NTRK1: variants seen among roughly 807,000 people sequenced by gnomAD.
The protein encoded by NTRK1 is high affinity nerve growth factor receptor.
A neutral mutation model predicts 86.8 loss-of-function variants in NTRK1; 62 were observed. That is an observed-to-expected ratio of 0.71 (90% CI 0.58 to 0.88). NTRK1 has a LOEUF of 0.88. NTRK1 is among the 40% of genes least tolerant of loss of function. The pLI, the probability that NTRK1 is intolerant of heterozygous loss-of-function variation, is 0.00. For synonymous variants in NTRK1, 469 were observed against 456.6 expected (o/e 1.03, Z -0.35); for missense variants, 967 against 1,078.4 (o/e 0.90, Z 1.45).
intron 7 of NTRK1, among the ~76,000 whole-genome samples, chr1:156,871,981 G>T (rs1449531706): frequency 6.6e-6 from 1 of 152,132 alleles, no homozygotes; most frequent in Non-Finnish European, 1.5e-5. Flanking sequence ...CCCCCTGCCC[G>T]AGCCTTGCTA....
At chr1:156,849,054 G>C in intron 2 of NTRK1, 1 of 1,611,432 alleles carries the variant, frequency 6.2e-7, no homozygotes, top group Non-Finnish European at 8.5e-7. Context: ...TGGCCTGGGT[G>C]GGGCGAGGGG....
intron 6 of NTRK1, among the ~76,000 whole-genome samples, chr1:156,869,366 CTG>C (rs1647408631): frequency 6.6e-6 from 1 of 152,108 alleles, no homozygotes; most frequent in Admixed American, 6.6e-5. Context: ...GTGTGAGCCA[CTG>C]TGCCCGGCAG....
At chr1:156,859,938 G>A (rs1008519890), upstream of NTRK1, among the ~76,000 whole-genome samples, 8 of 152,228 alleles carry the variant, frequency 5.3e-5, no homozygotes, top group African/African-American at 1.9e-4. The surrounding 1 kb of genome is among the most constrained non-coding windows in gnomAD (Gnocchi z 6.2). Context: ...TGCTGCCCTG[G>A]GTGCTGGGGA....
intron 2 of NTRK1, chr1:156,845,899 A>G (rs998024845): frequency 1.3e-6 from 2 of 1,598,446 alleles, no homozygotes; most frequent in Admixed American, 1.7e-5. Context: ...CTGCGCCTCC[A>G]TCTCCCCTTC....
At chr1:156,872,053 C>T (rs1558102977) in intron 7 of NTRK1, among the ~76,000 whole-genome samples, 1 of 152,160 alleles carries the variant, frequency 6.6e-6, no homozygotes, top group Non-Finnish European at 1.5e-5. Flanking sequence ...TTTTTCATGC[C>T]CGTCCCTCAT....
chr1:156,845,459 C>T lies in NTRK1; in HGVS notation c.50+3266C>T. 3 of 1,524,396 alleles carry T rather than the reference C, an allele frequency of 2.0e-6. 1 individual carries two copies. The highest frequency in any genetic ancestry group is 2.6e-6 in the Non-Finnish European group (3 of 1,138,630). 94.4% of individuals were successfully genotyped at this position (1,524,396 alleles called of 1,614,324 possible). On this transcript the variant is annotated intron_variant, in intron 2 of 16. Transcript: ENST00000392302. ...CCTATCAGGCCTGTCCGGATGCACC[C>T]CTGTGCCCTCTGCAGCGCGTACCGC...
At chr1:156,815,878 C>T (rs372317622) in intron 1 of NTRK1, 29 of 1,613,880 alleles carry the variant, frequency 1.8e-5, no homozygotes, top group Admixed American at 8.3e-5. Context: ...TGCCCCAGCC[C>T]GTTGGCAGAC....
intron 1 of NTRK1, chr1:156,816,172 G>GAT: frequency 5.3e-6 from 8 of 1,512,904 alleles, no homozygotes; most frequent in Non-Finnish European, 7.1e-6. Context: ...CTCCTCCCAG[G>GAT]CTCAGGGGAT....
At chr1:156,827,678 C>T (rs368586204) in intron 1 of NTRK1, among the ~76,000 whole-genome samples, 113 of 150,996 alleles carry the variant, frequency 7.5e-4, no homozygotes, top group Admixed American at 2.6e-4. Context: ...ATTAAAGGCA[C>T]GAGCCACTCT....
upstream of NTRK1, among the ~76,000 whole-genome samples, chr1:156,857,577 C>T (rs998872034): frequency 1.3e-5 from 2 of 152,168 alleles, no homozygotes; most frequent in African/African-American, 4.8e-5. Context: ...GGAGGGGGTT[C>T]GGTGGTCGGG....
chr1:156,824,148 G>A (rs1277194276), intron 1 of NTRK1, among the ~76,000 whole-genome samples: 2 of 152,232 alleles, frequency 1.3e-5, no homozygotes, highest in East Asian at 1.9e-4. Flanking sequence ...AGCTGGCCAG[G>A]CCAGGTGCCA....
chr1:156,844,607 A>C lies in NTRK1; in HGVS notation c.50+2414A>C, dbSNP rs765436024. 13 of 1,614,060 alleles carry C rather than the reference A, an allele frequency of 8.1e-6. No homozygotes were observed. In the African/African-American group the frequency reaches 1.7e-4, roughly 22 times the overall value. ...ACTTCGCATATCGAAGACGGGACAC[A>C]CACAGCACTGTGGCCTCCTGAGAGT... On this transcript the variant is annotated intron_variant, in intron 2 of 16. Coordinates refer to the NTRK1 transcript ENST00000392302.
At chr1:156,853,087 G>T (rs1035028374) in intron 2 of NTRK1, among the ~76,000 whole-genome samples, 1 of 151,936 alleles carries the variant, frequency 6.6e-6, no homozygotes, top group Non-Finnish European at 1.5e-5. Context: ...TTTCTCTACT[G>T]CTTTTTTCCT....
At chr1:156,845,504 C>G (rs1654963320) in intron 2 of NTRK1, 8 of 1,491,744 alleles carry the variant, frequency 5.4e-6, no homozygotes, top group Non-Finnish European at 7.1e-6. Flanking sequence ...CACCCACAAC[C>G]CGGGACCCGC....
At chr1:156,849,379 C>T (rs371482516) in intron 2 of NTRK1, 1 of 1,613,602 alleles carries the variant, frequency 6.2e-7, no homozygotes, top group African/African-American at 1.3e-5. Flanking sequence ...AGATCTTGCC[C>T]ACGGGAATGG....
At position 156,881,536 on chromosome 1, in the gene NTRK1, G is replaced by T; in HGVS notation, c.2285G>T (p.Gly762Val). ...CPPEVYAIMR[G>V]CWQREPQQRH... ...CCAGAGGTCTACGCCATCATGCGGGGCTGCTGGCAGCGGGAGCCCCAGCAA... is the reference window on the plus strand; with the variant it reads ...CCAGAGGTCTACGCCATCATGCGGGTCTGCTGGCAGCGGGAGCCCCAGCAA... Residue 762 changes from glycine (G) to valine (V), a missense_variant, in exon 17 of 17, where the codon GGC (glycine) becomes GTC (valine). Physicochemically the swap from Gly to Val is moderately radical, Grantham distance 109. This residue lies in a region of NTRK1 where 637 missense variants were observed against 776.5 expected (regional missense o/e 0.82). Transcript: ENST00000524377. The T allele has an allele frequency of 6.9e-6, 11 of 1,604,594 alleles. No homozygotes were observed. The highest frequency in any genetic ancestry group is 7.7e-6 in the Non-Finnish European group (9 of 1,175,818).
rs199566786 is a variant in NTRK1, at chr1:156,852,080, C to T, written c.50+9887C>T. On this transcript the variant is annotated intron_variant, in intron 2 of 16. Coordinates refer to the NTRK1 transcript ENST00000392302. ...GCAGGCACCCTGGAAGTAGAGGTGG[C>T]GGCAAGCTACACAGGCACGAGGGTC... 2.6e-4 allele frequency: 418 copies of T among 1,613,658 alleles called. 6 individuals carry two copies. The South Asian group carries it at 3.4e-3, about 13-fold the overall frequency.
intron 6 of NTRK1, among the ~76,000 whole-genome samples, chr1:156,870,866 C>T (rs989240489): frequency 2.0e-5 from 3 of 152,190 alleles, no homozygotes; most frequent in Admixed American, 6.5e-5. Context: ...CATGACAAAT[C>T]CACGGTTTCC....
chr1:156,819,665 A>T (rs1276342612), intron 1 of NTRK1, among the ~76,000 whole-genome samples: 1 of 151,836 alleles, frequency 6.6e-6, no homozygotes, highest in East Asian at 1.9e-4. Context: ...GATTACAGGC[A>T]TGCGCCACCA....
Sources: gnomAD v4.1 joint callset for allele counts (sites outside exome capture counted in the v4.1 genomes callset) on GRCh38, gnomAD v4.1.1 for gene constraint, gnomAD v4.1.1 regional missense constraint, Gnocchi (gnomAD v3.1) non-coding constraint, MANE v1.5 for transcripts, NCBI Gene and HGNC (gene_info 2026-07-23, HGNC 2026-07-21) for gene names.